The following PUM1 variants were observed in gnomAD, a reference collection of about 807,000 sequenced individuals.
PUM1 encodes the protein pumilio RNA binding family member 1.
In PUM1, 13 loss-of-function variants were observed where a neutral mutation model predicts 131.8. That is an observed-to-expected ratio of 0.10 (90% CI 0.06 to 0.16). The LOEUF is 0.16. Among genes scored for constraint, PUM1 ranks in the 10% least tolerant of loss-of-function variants. The probability of loss-of-function intolerance (pLI) is 1.00; values close to 1 mark genes in which losing one functional copy is unlikely to be tolerated. For missense variants in PUM1, 961 were observed against 1,512.4 expected (o/e 0.64, Z 6.05); for synonymous variants, 509 against 556.5 (o/e 0.91, Z 1.20).
chr1:31,002,990 C>T (rs1642270804), intron 5 of PUM1, among the ~76,000 whole-genome samples: 1 of 152,198 alleles, frequency 6.6e-6, no homozygotes, highest in African/African-American at 2.4e-5. Flanking sequence ...TAGTTCTAAA[C>T]ACCTTTACCT....
chr1:31,010,491 T>C (rs1016662185), intron 3 of PUM1, among the ~76,000 whole-genome samples: 3 of 152,206 alleles, frequency 2.0e-5, no homozygotes, highest in African/African-American at 7.2e-5. Flanking sequence ...ACTGCTGCTA[T>C]GTTGTGAGCT....
At chr1:30,958,921 C>T (rs891304859) in intron 14 of PUM1, among the ~76,000 whole-genome samples, 9 of 152,112 alleles carry the variant, frequency 5.9e-5, no homozygotes, top group African/African-American at 1.9e-4. Flanking sequence ...TGTACACATT[C>T]ATGGGTATAT....
intron 18 of PUM1, 35 bp from the exon 19 acceptor site, chr1:30,942,158 T>G: frequency 7.1e-7 from 1 of 1,409,980 alleles, no homozygotes; most frequent in Non-Finnish European, 9.4e-7. Flanking sequence ...GAAGCAAAAA[T>G]GACAGTCACC....
intron 18 of PUM1, among the ~76,000 whole-genome samples, chr1:30,942,894 G>C (rs978165601): frequency 3.3e-5 from 5 of 152,076 alleles, no homozygotes; most frequent in African/African-American, 1.2e-4. Flanking sequence ...TGGGACTACA[G>C]GCACTTGCCA....
At chr1:30,954,085 C>T in intron 14 of PUM1, 104 bp from the exon 15 acceptor site, 1 of 1,216,636 alleles carries the variant, frequency 8.2e-7, no homozygotes, top group Non-Finnish European at 1.1e-6. Flanking sequence ...TTTCTGATTT[C>T]TTCAATGCTG....
At chr1:30,956,975 T>C (rs1406206957) in intron 14 of PUM1, among the ~76,000 whole-genome samples, 1 of 152,146 alleles carries the variant, frequency 6.6e-6, no homozygotes, top group Non-Finnish European at 1.5e-5. Context: ...AGGACTGGAC[T>C]GAACAACAGT....
chr1:31,039,790 C>T (rs1643761489), intron 2 of PUM1, among the ~76,000 whole-genome samples: 1 of 151,966 alleles, frequency 6.6e-6, no homozygotes. Context: ...TCCCAGCTAC[C>T]TGGGAGGCTG....
intron 1 of PUM1, among the ~76,000 whole-genome samples, chr1:31,064,763 C>T (rs946915073): frequency 4.2e-4 from 1 of 2,406 alleles, no homozygotes; most frequent in African/African-American, 1.7e-3. Flanking sequence ...GTTTTTTCAG[C>T]GGGGGGGGGG....
chr1:31,044,197 C>G (rs889281604), intron 2 of PUM1, among the ~76,000 whole-genome samples: 1 of 152,002 alleles, frequency 6.6e-6, no homozygotes. Flanking sequence ...GTCAGGAGAT[C>G]GAGACCATCC....
chr1:30,994,248 G>A (rs1456979486), intron 6 of PUM1, among the ~76,000 whole-genome samples: 1 of 152,030 alleles, frequency 6.6e-6, no homozygotes, highest in Non-Finnish European at 1.5e-5. Context: ...AGAGGGGTGT[G>A]AGTGTGTGCA....
rs1640658986 is a variant in PUM1, at chr1:30,967,222, A to T, written c.1734T>A (p.Pro578=). The change falls in exon 12 of 22, where the codon CCT becomes CCA. Residue 578 remains proline (P), a synonymous_variant. Coordinates refer to ENST00000426105, the MANE Select transcript of PUM1 (RefSeq NM_001020658.2). ...CTGGGGCAGGAGCTACAAGTCGAAC[A>T]GGAGCTCCAAGACCATTTCTCGCGC... is the stretch of plus-strand genomic sequence containing the variant. ...NAGARNGLGA[P]VRLVAPAPVI... is the part of the protein sequence containing the mutation. The T allele has an allele frequency of 6.2e-7, 1 of 1,614,068 alleles. No homozygotes were observed. Among genetic ancestry groups the T allele is most frequent in the Admixed American group, 1.7e-5 (1 of 60,002 alleles).
intron 3 of PUM1, among the ~76,000 whole-genome samples, chr1:31,016,445 A>G (rs946109231): frequency 2.0e-5 from 3 of 152,208 alleles, no homozygotes; most frequent in Non-Finnish European, 4.4e-5. Flanking sequence ...TCAGTGAAGG[A>G]ATAAGATCTT....
intron 10 of PUM1, among the ~76,000 whole-genome samples, chr1:30,972,452 A>G (rs372989258): frequency 2.9e-4 from 3 of 10,176 alleles, no homozygotes; most frequent in Non-Finnish European, 5.7e-4. Context: ...GGGAGGGAAG[A>G]GAAGAGAAGA....
At chr1:31,021,275 T>G (rs1227100286) in intron 3 of PUM1, among the ~76,000 whole-genome samples, 4 of 152,236 alleles carry the variant, frequency 2.6e-5, no homozygotes, top group African/African-American at 9.6e-5. Context: ...CAGTTTTGTC[T>G]GTTCTTTATT....
chr1:30,993,834 G>A (rs1232235502), intron 6 of PUM1, among the ~76,000 whole-genome samples: 1 of 152,158 alleles, frequency 6.6e-6, no homozygotes. Context: ...ACTTTGGGAG[G>A]CTAAGGCAGG....
At chr1:31,055,450 C>G in intron 2 of PUM1, 1 of 455,926 alleles carries the variant, frequency 2.2e-6, no homozygotes, top group Non-Finnish European at 4.4e-6. Context: ...GAGAACAACA[C>G]TAAAACCAGT....
At chr1:30,961,738 C>G (rs959399394) in intron 14 of PUM1, among the ~76,000 whole-genome samples, 2 of 151,398 alleles carry the variant, frequency 1.3e-5, no homozygotes, top group Admixed American at 1.3e-4. Context: ...GGAAAAGATC[C>G]ACACGAGATA....
chr1:31,000,797 C>A (rs1277493206), intron 5 of PUM1, among the ~76,000 whole-genome samples: 1 of 152,150 alleles, frequency 6.6e-6, no homozygotes, highest in Non-Finnish European at 1.5e-5. Context: ...ACACACTTAC[C>A]CATTTTCACA....
At chr1:30,961,346 CAAAAAAA>C (rs11325891) in intron 14 of PUM1, among the ~76,000 whole-genome samples, 9 of 87,920 alleles carry the variant, frequency 1.0e-4, no homozygotes, top group Admixed American at 1.3e-4. Flanking sequence ...TTAGTTTCTA[CAAAAAAA>C]AAAAAAAAAA....
Sources: allele counts gnomAD v4.1 joint callset (sites outside exome capture counted in the v4.1 genomes callset), GRCh38; gene constraint gnomAD v4.1.1; transcripts MANE v1.5; gene names NCBI Gene and HGNC (gene_info 2026-07-23, HGNC 2026-07-21).